LYPLAL1: variants seen among roughly 807,000 people sequenced by gnomAD.
The protein encoded by LYPLAL1 is lysophospholipase like 1, also known as lysophospholipase-like protein 1.
LYPLAL1 carries 23 observed loss-of-function variants against 19.7 expected under a neutral mutation model. The ratio of observed to expected loss-of-function variants is 1.17; its 90% CI spans 0.84 to 1.65. The LOEUF (loss-of-function observed/expected upper bound fraction) is 1.65. LYPLAL1 is among the 40% of genes most tolerant of loss of function. The pLI is 0.00. For synonymous variants in LYPLAL1, 119 were observed against 96.3 expected, an observed-to-expected ratio of 1.24 and a Z score of -1.38; for missense variants, 355 against 279.4, an observed-to-expected ratio of 1.27 and a Z score of -1.93.
chr1:219,400,238 A>G, the LYPLAL1 span, among the ~76,000 whole-genome samples: 307 of 151,856 alleles, frequency 2.0e-3, 3 homozygotes, highest in African/African-American at 7.2e-3. Flanking sequence ...CAGTTGTCTC[A>G]GCCCTTTGGT....
chr1:219,194,171 A>G (rs1414248563), intron 3 of LYPLAL1, among the ~76,000 whole-genome samples: 1 of 151,868 alleles, frequency 6.6e-6, no homozygotes, highest in Non-Finnish European at 1.5e-5. Context: ...CTAGCATAAC[A>G]ACATCACCTT....
chr1:219,399,825 T>C, the LYPLAL1 span, among the ~76,000 whole-genome samples: 2 of 152,146 alleles, frequency 1.3e-5, no homozygotes, highest in Non-Finnish European at 2.9e-5. Context: ...CCGACAGTTC[T>C]GCTAGGGTTA....
intron 2 of LYPLAL1, among the ~76,000 whole-genome samples, chr1:219,186,682 T>A (rs1339325209): frequency 1.3e-5 from 2 of 151,818 alleles, no homozygotes; most frequent in Non-Finnish European, 2.9e-5. Flanking sequence ...TTTTACTTTC[T>A]TTTGATTAGA....
the LYPLAL1 span, among the ~76,000 whole-genome samples, chr1:219,257,294 T>C: frequency 1.3e-5 from 2 of 151,746 alleles, no homozygotes; most frequent in African/African-American, 4.8e-5. Context: ...TTTAGCATTA[T>C]GAAAAATATG....
chr1:219,180,111 C>T (rs1364082015), intron 2 of LYPLAL1, among the ~76,000 whole-genome samples: 1 of 152,174 alleles, frequency 6.6e-6, no homozygotes, highest in Admixed American at 6.5e-5. Flanking sequence ...ATTCTCCTGC[C>T]TCAGCCTCCT....
the LYPLAL1 span, among the ~76,000 whole-genome samples, chr1:219,329,249 C>G: frequency 1.3e-5 from 2 of 151,826 alleles, no homozygotes; most frequent in Non-Finnish European, 2.9e-5. Context: ...AGAGAACTGT[C>G]CTTATAATGA....
the LYPLAL1 span, among the ~76,000 whole-genome samples, chr1:219,265,771 C>T: frequency 1.3e-5 from 2 of 152,088 alleles, no homozygotes; most frequent in Non-Finnish European, 2.9e-5. Context: ...CCTATTGCTC[C>T]TAGGCTACAA....
chr1:219,238,332 T>TTTTTA, the LYPLAL1 span, among the ~76,000 whole-genome samples: 1 of 85,536 alleles, frequency 1.2e-5, no homozygotes, highest in Non-Finnish European at 2.4e-5. Flanking sequence ...TTTTTTTTTT[T>TTTTTA]AGTAGAGACG....
the LYPLAL1 span, among the ~76,000 whole-genome samples, chr1:219,286,789 G>A: frequency 6.6e-6 from 1 of 152,190 alleles, no homozygotes; most frequent in Non-Finnish European, 1.5e-5. Context: ...CATAAGATTT[G>A]CCTGTTCTCC....
chr1:219,388,563 T>C, the LYPLAL1 span, among the ~76,000 whole-genome samples: 1 of 152,164 alleles, frequency 6.6e-6, no homozygotes, highest in Non-Finnish European at 1.5e-5. Context: ...TTCAATCAGC[T>C]GTGACTGGAA....
At chr1:219,269,220 CT>C in the LYPLAL1 span, among the ~76,000 whole-genome samples, 1 of 152,126 alleles carries the variant, frequency 6.6e-6, no homozygotes, top group African/African-American at 2.4e-5. Flanking sequence ...GCAGTGATGC[CT>C]GGGAATCTTG....
chr1:219,342,543 C>T, the LYPLAL1 span, among the ~76,000 whole-genome samples: 27 of 152,158 alleles, frequency 1.8e-4, no homozygotes, highest in South Asian at 2.1e-4. Context: ...TCGTGGTTTC[C>T]GCAGACTCCA....
the LYPLAL1 span, among the ~76,000 whole-genome samples, chr1:219,300,076 T>A: frequency 6.6e-6 from 1 of 152,098 alleles, no homozygotes; most frequent in African/African-American, 2.4e-5. Context: ...TCTCCTGGGC[T>A]CAGGCTATCT....
chr1:219,340,176 A>G, the LYPLAL1 span, among the ~76,000 whole-genome samples: 16 of 152,154 alleles, frequency 1.1e-4, no homozygotes, highest in South Asian at 1.2e-3. Context: ...ACTTATAACC[A>G]ATTACTATCG....
At chr1:219,231,635 A>G in the LYPLAL1 span, among the ~76,000 whole-genome samples, 1 of 152,304 alleles carries the variant, frequency 6.6e-6, no homozygotes, top group African/African-American at 2.4e-5. Flanking sequence ...TTTCTTAACA[A>G]CAACACTAAA....
At chr1:219,426,405 A>G in the LYPLAL1 span, among the ~76,000 whole-genome samples, 1 of 152,152 alleles carries the variant, frequency 6.6e-6, no homozygotes, top group Non-Finnish European at 1.5e-5. Flanking sequence ...AGGAAAAAAA[A>G]TTGTATGACT....
chr1:219,220,981 T>C, the LYPLAL1 span, among the ~76,000 whole-genome samples: 2 of 152,152 alleles, frequency 1.3e-5, no homozygotes, highest in East Asian at 3.9e-4. Context: ...GCAGATGTGA[T>C]TAATGTGTCA....
chr1:219,375,536 A>AC, the LYPLAL1 span, among the ~76,000 whole-genome samples: 8 of 150,878 alleles, frequency 5.3e-5, no homozygotes, highest in Non-Finnish European at 8.9e-5. Context: ...GAAGAAGCTC[A>AC]AGTAACAACA....
the LYPLAL1 span, among the ~76,000 whole-genome samples, chr1:219,283,531 G>A: frequency 3.5e-4 from 53 of 152,228 alleles, no homozygotes; most frequent in African/African-American, 1.2e-3. Flanking sequence ...GCTGTTTCGT[G>A]CTAGTTGAAA....
Sources: allele counts gnomAD v4.1 joint callset (sites outside exome capture counted in the v4.1 genomes callset), GRCh38; gene constraint gnomAD v4.1.1; transcripts MANE v1.5; gene names NCBI Gene and HGNC (gene_info 2026-07-23, HGNC 2026-07-21).